Variants in KIRREL3 observed in about 807,000 individuals in gnomAD.
KIRREL3 encodes kin of IRRE-like protein 3.
KIRREL3 carries 36 observed loss-of-function variants against 89.7 expected under a neutral mutation model. The ratio of observed to expected loss-of-function variants is 0.40; its 90% CI spans 0.31 to 0.53. KIRREL3 has a LOEUF of 0.53. KIRREL3 is among the 20% of genes least tolerant of loss of function. The pLI is 0.49. For synonymous variants in KIRREL3, 445 were observed against 441.4 expected (o/e 1.01, Z -0.10); for missense variants, 864 against 1,056.6 (o/e 0.82, Z 2.53).
In KIRREL3 at chr11:126,700,799, G is replaced by C. The variant is rs1412206703; in HGVS notation, c.56-137887C>G. ...GTGCAACAGGCCTGACTTTGTGATG[G>C]GCAAATATCTCTCTGAGATCTTCTT... On this transcript the variant is annotated intron_variant, in intron 1 of 16. Transcript: ENST00000525144. 2.0e-5 allele frequency among the ~76,000 whole-genome samples: 3 copies of C among 152,114 alleles called. No individual in the cohort carries two copies. The East Asian group carries it at 5.8e-4, about 29-fold the overall frequency.
rs1944751819 is a variant in KIRREL3, at chr11:126,647,846, T to G, written c.56-84934A>C. ...GCAGAGCATTCCATCTCACTGAGAA[T>G]GAAAGCCAACACCCTCTCCATGACT... On this transcript the variant is annotated intron_variant, in intron 1 of 16. Transcript: ENST00000525144. This position sits in a 1 kb window ranked among gnomAD's most constrained non-coding sequence, Gnocchi z 4.9. Among the ~76,000 whole-genome samples the G allele has an allele frequency of 6.6e-6, 1 of 152,232 alleles. No homozygotes were observed. Among genetic ancestry groups the G allele is most frequent in the African/African-American group, 2.4e-5 (1 of 41,468 alleles).
At position 126,609,901 on chromosome 11, in the gene KIRREL3, C is replaced by A. The variant is rs1788958; in HGVS notation, c.56-46989G>T. Among the ~76,000 whole-genome samples, 134,326 of 152,136 alleles carry A rather than the reference C, an allele frequency of 0.88. 61,274 individuals are homozygous for A. Among genetic ancestry groups the A allele is most frequent in the East Asian group, 1 (5,180 of 5,184 alleles). The stretch of plus-strand genomic sequence containing the variant: ...TAGAACCTGATGATGCGATAGGCAC[C>A]GAGATAAGAATTTTATGTGGATGAC... On this transcript the variant is annotated intron_variant, in intron 1 of 16. Transcript: ENST00000525144. The surrounding 1 kb of genome is among the most constrained non-coding windows in gnomAD (Gnocchi z 5.0).
rs548495513 is a variant in KIRREL3, at chr11:126,965,959, C to T, written c.55+34496G>A. On this transcript the variant is annotated intron_variant, in intron 1 of 16. Coordinates refer to ENST00000525144, the MANE Select transcript of KIRREL3 (RefSeq NM_032531.4). This position sits in a 1 kb window ranked among gnomAD's most constrained non-coding sequence, Gnocchi z 4.4. ...GAGTTTTCAAAGTTACTTCAATCTACTTTAAATCTTTGGAAGGAACAAATG... is the reference window on the plus strand; with the variant it reads ...GAGTTTTCAAAGTTACTTCAATCTATTTTAAATCTTTGGAAGGAACAAATG... Among the ~76,000 whole-genome samples the T allele has an allele frequency of 8.5e-5, 13 of 152,268 alleles. No homozygotes were observed. The highest frequency in any genetic ancestry group is 1.3e-4 in the Non-Finnish European group (9 of 68,024).
chr11:126,832,754 G>A (rs1406115280), intron 1 of KIRREL3, among the ~76,000 whole-genome samples: 2 of 152,144 alleles, frequency 1.3e-5, no homozygotes, highest in Admixed American at 6.5e-5. Context: ...TGGCTCAGGA[G>A]GCAGCAACTG....
chr11:126,732,554 T>C (rs1449177974), intron 1 of KIRREL3, among the ~76,000 whole-genome samples: 1 of 152,210 alleles, frequency 6.6e-6, no homozygotes, highest in African/African-American at 2.4e-5. Context: ...CCAATATACC[T>C]GCTTGTCTCG....
intron 1 of KIRREL3, chr11:126,944,847 G>A (rs971329337): frequency 1.3e-5 from 2 of 152,216 alleles, no homozygotes; most frequent in African/African-American, 4.8e-5. Context: ...GTAACAGCAT[G>A]GGGGATTGTC....
At chr11:126,599,560 A>G (rs528429752) in intron 1 of KIRREL3, among the ~76,000 whole-genome samples, 1 of 152,278 alleles carries the variant, frequency 6.6e-6, no homozygotes, top group Admixed American at 6.5e-5. Context: ...CATAGAAAGT[A>G]GGGGCCCATT....
At chr11:126,539,366 A>C (rs1172061640) in intron 2 of KIRREL3, among the ~76,000 whole-genome samples, 1 of 152,154 alleles carries the variant, frequency 6.6e-6, no homozygotes. Flanking sequence ...TGTGCCAAGA[A>C]GTTTGTACTT....
In KIRREL3 at chr11:126,897,017, C is replaced by T. The variant is rs1378539653; in HGVS notation, c.55+103438G>A. The stretch of plus-strand genomic sequence containing the variant: ...AGGGAAAGAGCAGACCATCCAAGTA[C>T]CAAAAATCCCTAGTAGGCAGCCTTC... On this transcript the variant is annotated intron_variant, in intron 1 of 16. Transcript: ENST00000525144. The surrounding 1 kb of genome is among the most constrained non-coding windows in gnomAD (Gnocchi z 4.2). 1.3e-5 allele frequency among the ~76,000 whole-genome samples: 2 copies of T among 151,932 alleles called. No homozygotes were observed. The highest frequency in any genetic ancestry group is 6.6e-5 in the Admixed American group (1 of 15,256).
At chr11:126,619,682 T>C (rs2134833061) in intron 1 of KIRREL3, among the ~76,000 whole-genome samples, 1 of 152,388 alleles carries the variant, frequency 6.6e-6, no homozygotes, top group East Asian at 1.9e-4. Context: ...TGGTGCACTT[T>C]GACCCACTTC....
At chr11:126,923,044 C>T (rs190140548) in intron 1 of KIRREL3, among the ~76,000 whole-genome samples, 8 of 152,312 alleles carry the variant, frequency 5.3e-5, no homozygotes, top group Non-Finnish European at 1.2e-4. Context: ...CCTGGTTTTC[C>T]TCCTCCTTCT....
intron 1 of KIRREL3, among the ~76,000 whole-genome samples, chr11:126,961,305 C>T (rs1949079356): frequency 6.6e-6 from 1 of 152,128 alleles, no homozygotes; most frequent in African/African-American, 2.4e-5. Flanking sequence ...AATAGTCAGC[C>T]AAGTTGTGAA....
Position 126,905,317 on chromosome 11 carries a change from G to A in KIRREL3, c.55+95138C>T, listed in dbSNP as rs1026370163. ...GCTGAGGGGCTGCACCAGGAATACA[G>A]GATTCCTGGGAGTTGATGGGAAACT... On this transcript the variant is annotated intron_variant, in intron 1 of 16. Transcript: ENST00000525144. The surrounding 1 kb of genome is among the most constrained non-coding windows in gnomAD (Gnocchi z 5.0). 6.6e-6 allele frequency among the ~76,000 whole-genome samples: 1 copy of A among 152,104 alleles called. No individual in the cohort carries two copies. The highest frequency in any genetic ancestry group is 1.5e-5 in the Non-Finnish European group (1 of 68,024).
In KIRREL3 at chr11:126,555,193, C is replaced by A. The variant is rs1399378912; in HGVS notation, c.133+7642G>T. On this transcript the variant is annotated intron_variant, in intron 2 of 16. Transcript: ENST00000525144. The surrounding 1 kb of genome is among the most constrained non-coding windows in gnomAD (Gnocchi z 4.2). ...GCCTGCTTCTGCCAGAGATGAGTGA[C>A]TGGCCGGTTCCAGCGTTCATTCCCT... Among the ~76,000 whole-genome samples the A allele has an allele frequency of 6.6e-6, 1 of 152,178 alleles. No homozygotes were observed. The highest frequency in any genetic ancestry group is 1.5e-5 in the Non-Finnish European group (1 of 68,036).
At chr11:126,809,863 T>C (rs1951322588) in intron 1 of KIRREL3, among the ~76,000 whole-genome samples, 1 of 152,132 alleles carries the variant, frequency 6.6e-6, no homozygotes, top group Admixed American at 6.5e-5. Flanking sequence ...CCCCACTCAA[T>C]CTCCAGAATC....
Position 126,526,133 on chromosome 11 carries a change from C to T in KIRREL3, c.283+405G>A, listed in dbSNP as rs1187009354. Reference sequence around the variant, plus strand: ...TGGTTCCCTTTAATGGGTGAGAAGCCTGGAAGAACCAGGTTGTGACTTGTA... The same window carrying T: ...TGGTTCCCTTTAATGGGTGAGAAGCTTGGAAGAACCAGGTTGTGACTTGTA... On this transcript the variant is annotated intron_variant, in intron 3 of 16. Coordinates refer to ENST00000525144, the MANE Select transcript of KIRREL3 (RefSeq NM_032531.4). This position sits in a 1 kb window ranked among gnomAD's most constrained non-coding sequence, Gnocchi z 5.7. Among the ~76,000 whole-genome samples, 1 of 152,200 alleles carries T rather than the reference C, an allele frequency of 6.6e-6. No individual in the cohort carries two copies. The highest frequency in any genetic ancestry group is 2.4e-5 in the African/African-American group (1 of 41,436).
At position 126,463,773 on chromosome 11, in the gene KIRREL3, G is replaced by T. The variant is rs189630859; in HGVS notation, c.592-466C>A. On this transcript the variant is annotated intron_variant, in intron 5 of 16. Coordinates refer to ENST00000525144, the MANE Select transcript of KIRREL3 (RefSeq NM_032531.4). This position sits in a 1 kb window ranked among gnomAD's most constrained non-coding sequence, Gnocchi z 5.9. ...GTCTGCAGAGGAGGCACAGTTTGGG[G>T]AATGGGAGTCAGAGTGGGTGGGGAT... Among the ~76,000 whole-genome samples, 3 of 152,304 alleles carry T rather than the reference G, an allele frequency of 2.0e-5. No homozygotes were observed. In the East Asian group the frequency reaches 5.8e-4, roughly 29 times the overall value.
intron 1 of KIRREL3, among the ~76,000 whole-genome samples, chr11:126,799,839 G>T (rs1382844950): frequency 6.6e-6 from 1 of 152,188 alleles, no homozygotes; most frequent in Non-Finnish European, 1.5e-5. Context: ...CTGCTTTCCA[G>T]GGATTGGGGA....
chr11:126,687,445 G>A lies in KIRREL3; in HGVS notation c.56-124533C>T, dbSNP rs913107081. 2.0e-5 allele frequency among the ~76,000 whole-genome samples: 3 copies of A among 152,222 alleles called. No homozygotes were observed. The highest frequency in any genetic ancestry group is 4.4e-5 in the Non-Finnish European group (3 of 68,028). On this transcript the variant is annotated intron_variant, in intron 1 of 16. Transcript: ENST00000525144. The surrounding 1 kb of genome is among the most constrained non-coding windows in gnomAD (Gnocchi z 4.6). ...AGCAGGAAATCTCACCCAGCTGGAA[G>A]CTCTCCTGTAAAGAATTCACAAAAA...
Sources: gnomAD v4.1 joint callset for allele counts (sites outside exome capture counted in the v4.1 genomes callset) on GRCh38, gnomAD v4.1.1 for gene constraint, Gnocchi (gnomAD v3.1) non-coding constraint, MANE v1.5 for transcripts, NCBI Gene and HGNC (gene_info 2026-07-23, HGNC 2026-07-21) for gene names.